Variants in RASGRF2 observed in about 807,000 individuals in gnomAD.
RASGRF2 encodes the protein Ras protein specific guanine nucleotide releasing factor 2.
In RASGRF2, 76 loss-of-function variants were observed where a neutral mutation model predicts 151.0. The observed-to-expected ratio is 0.50, with a 90% CI of 0.42 to 0.61. The LOEUF (loss-of-function observed/expected upper bound fraction) is 0.61. RASGRF2 is among the 20% of genes least tolerant of loss of function. The pLI, the probability that RASGRF2 is intolerant of heterozygous loss-of-function variation, is 0.00. For missense variants in RASGRF2, 1,148 were observed against 1,564.6 expected (o/e 0.73, Z 4.49); for synonymous variants, 504 against 566.5 (o/e 0.89, Z 1.57).
chr5:81,219,888 A>G, intron 26 of RASGRF2, 110 bp downstream of exon 26: 1 of 761,612 alleles, frequency 1.3e-6, no homozygotes, highest in Non-Finnish European at 2.0e-6. Flanking sequence ...CTCATAGAAA[A>G]GACCAGTAAA....
At chr5:81,135,938 G>A (rs1690228420) in intron 17 of RASGRF2, among the ~76,000 whole-genome samples, 1 of 152,152 alleles carries the variant, frequency 6.6e-6, no homozygotes, top group Admixed American at 6.5e-5. Flanking sequence ...CAACAGAGTA[G>A]TCCCAATTCT....
chr5:80,975,930 C>T lies in RASGRF2; in HGVS notation c.288+14904C>T, dbSNP rs1045703227. Among the ~76,000 whole-genome samples the T allele has an allele frequency of 4.6e-5, 7 of 151,694 alleles. No homozygotes were observed. The South Asian group carries it at 1.0e-3, about 23-fold the overall frequency. ...GTGCAATGGCACGATCTCCAACCTC[C>T]GCCTCCCAGGTTCAAGCGATTCTCC... On this transcript the variant is annotated intron_variant, in intron 1 of 26. Coordinates refer to ENST00000265080, the MANE Select transcript of RASGRF2 (RefSeq NM_006909.3).
rs796624027 is a variant in RASGRF2, at chr5:81,131,685, GAA to G, written c.2686+4535_2686+4536del. 2.5e-3 allele frequency among the ~76,000 whole-genome samples: 311 copies of G among 126,290 alleles called. 2 individuals are homozygous for G. The highest frequency in any genetic ancestry group is 8.5e-3 in the African/African-American group (304 of 35,648). 82.9% of individuals were successfully genotyped at this position (126,290 alleles called of 152,430 possible). On this transcript the variant is annotated intron_variant, in intron 17 of 26. Transcript: ENST00000265080. ...CTCTTTTTCTTCCTTTAAAAGAAAA[GAA>G]AAAAAAAAAAAAGATCTAGAGCCTT... is the stretch of plus-strand genomic sequence containing the variant.
chr5:81,184,435 G>T (rs146873731), intron 18 of RASGRF2, among the ~76,000 whole-genome samples: 1 of 152,180 alleles, frequency 6.6e-6, no homozygotes, highest in Admixed American at 6.5e-5. Context: ...GGCCTTTCAC[G>T]TATGATCTAT....
chr5:80,993,570 A>AG (rs1451179214), intron 1 of RASGRF2, among the ~76,000 whole-genome samples: 1 of 152,200 alleles, frequency 6.6e-6, no homozygotes, highest in Non-Finnish European at 1.5e-5. Flanking sequence ...TGGGCAATTG[A>AG]GGCACATTCA....
Position 81,112,846 on chromosome 5 carries a change from C to T in RASGRF2, c.2075C>T (p.Ser692Phe). ...LSDIYKRPFT[S>F]IPVRSLELFF... ...GACATATACAAGAGGCCTTTCACCTCCATCCCTGTCAGGTACACCTATTGC... is the reference window on the plus strand; with the variant it reads ...GACATATACAAGAGGCCTTTCACCTTCATCCCTGTCAGGTACACCTATTGC... The change falls in exon 14 of 27, where the codon TCC becomes TTC. Residue 692 changes from serine to phenylalanine, a missense_variant. Ser to Phe is a radical substitution (Grantham distance 155). Coordinates refer to ENST00000265080, the MANE Select transcript of RASGRF2 (RefSeq NM_006909.3). The T allele has an allele frequency of 1.2e-6, 2 of 1,614,202 alleles. No homozygotes were observed. The highest frequency in any genetic ancestry group is 1.7e-6 in the Non-Finnish European group (2 of 1,180,036).
intron 2 of RASGRF2, among the ~76,000 whole-genome samples, chr5:81,060,457 T>TG (rs147750460): frequency 2.6e-5 from 4 of 151,414 alleles, no homozygotes; most frequent in African/African-American, 7.3e-5. Flanking sequence ...TCTGCCCCCC[T>TG]ACTTCCTGTT....
chr5:81,020,785 CAA>C (rs1389083780), intron 1 of RASGRF2, among the ~76,000 whole-genome samples: 2 of 152,098 alleles, frequency 1.3e-5, no homozygotes, highest in Admixed American at 1.3e-4. Context: ...TATGTCAAGA[CAA>C]AGAGATACAC....
intron 2 of RASGRF2, among the ~76,000 whole-genome samples, chr5:81,057,842 A>C (rs560921951): frequency 2.0e-4 from 30 of 152,022 alleles, no homozygotes; most frequent in African/African-American, 7.0e-4. Flanking sequence ...AAAACAATCA[A>C]AAAATTAGCC....
At chr5:81,180,724 T>C (rs1220187526) in intron 18 of RASGRF2, among the ~76,000 whole-genome samples, 1 of 130,858 alleles carries the variant, frequency 7.6e-6, no homozygotes, top group Non-Finnish European at 1.6e-5. Context: ...TGGAGGTAAA[T>C]AACACTCTGG....
intron 12 of RASGRF2, among the ~76,000 whole-genome samples, chr5:81,104,203 A>G (rs548362371): frequency 3.9e-5 from 6 of 152,104 alleles, no homozygotes; most frequent in Non-Finnish European, 8.8e-5. Context: ...AAATATGGCA[A>G]AGTGTTAATA....
At chr5:80,996,776 T>G (rs957101544) in intron 1 of RASGRF2, among the ~76,000 whole-genome samples, 4 of 150,992 alleles carry the variant, frequency 2.6e-5, no homozygotes, top group African/African-American at 9.8e-5. Flanking sequence ...ATTTTTGTCT[T>G]TTTAGTGGAG....
intron 1 of RASGRF2, among the ~76,000 whole-genome samples, chr5:81,028,811 G>A (rs1410367868): frequency 6.6e-6 from 1 of 152,200 alleles, no homozygotes; most frequent in East Asian, 1.9e-4. Context: ...GTCAGACAGT[G>A]GGTGCAGCCC....
chr5:81,030,377 A>T (rs1233974132), intron 1 of RASGRF2, among the ~76,000 whole-genome samples: 1 of 152,236 alleles, frequency 6.6e-6, no homozygotes, highest in African/African-American at 2.4e-5. Flanking sequence ...AATGAAGGAA[A>T]AAATATTGAG....
In RASGRF2 at chr5:81,227,548, A is replaced by G. The variant is rs1756024909; in HGVS notation, c.*1778A>G. ...TGACGCATCTTGATGCATGATGAGA[A>G]GCATGGGCTGTTTGGATCCTAACAA... On this transcript the variant is annotated 3_prime_UTR_variant, in exon 27 of 27. Coordinates refer to ENST00000265080, the MANE Select transcript of RASGRF2 (RefSeq NM_006909.3). 1.3e-5 allele frequency: 2 copies of G among 152,206 alleles called. No homozygotes were observed. The highest frequency in any genetic ancestry group is 4.8e-5 in the African/African-American group (2 of 41,446). The allele number at this position is 152,206 out of a possible 1,614,324, so 9.4% of individuals were successfully genotyped here.
intron 12 of RASGRF2, among the ~76,000 whole-genome samples, chr5:81,106,059 T>C (rs1752836850): frequency 6.6e-6 from 1 of 152,240 alleles, no homozygotes; most frequent in Non-Finnish European, 1.5e-5. Context: ...TGCATCTTCT[T>C]GGTGCTCTTG....
At chr5:81,206,965 G>A in intron 20 of RASGRF2, 60 bp downstream of exon 20, 1 of 1,341,852 alleles carries the variant, frequency 7.5e-7, no homozygotes, top group Non-Finnish European at 1.1e-6. Flanking sequence ...TCCAAGGCGA[G>A]CAATATGCTT....
chr5:81,037,800 G>T (rs1561570783), intron 1 of RASGRF2, among the ~76,000 whole-genome samples: 1 of 152,144 alleles, frequency 6.6e-6, no homozygotes. Flanking sequence ...GAAAAATTCA[G>T]TTGAAATCCC....
chr5:81,187,626 G>A (rs917934733), intron 18 of RASGRF2, among the ~76,000 whole-genome samples: 8 of 152,184 alleles, frequency 5.3e-5, no homozygotes, highest in African/African-American at 1.7e-4. Context: ...CAACCAATGA[G>A]CATCCGTCTG....
Sources: gnomAD v4.1 joint callset for allele counts (sites outside exome capture counted in the v4.1 genomes callset) on GRCh38, gnomAD v4.1.1 for gene constraint, MANE v1.5 for transcripts, NCBI Gene and HGNC (gene_info 2026-07-23, HGNC 2026-07-21) for gene names.